Variants in RAPGEF5 observed in about 807,000 individuals in gnomAD.
RAPGEF5 encodes Rap guanine nucleotide exchange factor 5.
Under a neutral mutation model 125.2 loss-of-function variants are expected in RAPGEF5, and 65 were observed. The ratio of observed to expected loss-of-function variants is 0.52; its 90% CI spans 0.43 to 0.64. The LOEUF (loss-of-function observed/expected upper bound fraction) is 0.64, where lower values mean the gene tolerates loss of function less well. Ranked by LOEUF, RAPGEF5 falls within the 30% of genes least tolerant of loss-of-function variation. The probability of loss-of-function intolerance (pLI) is 0.00; values close to 1 mark genes in which losing one functional copy is unlikely to be tolerated. For synonymous variants in RAPGEF5, 391 were observed against 385.9 expected, an observed-to-expected ratio of 1.01 and a Z score of -0.16; for missense variants, 958 against 1,048.1, an observed-to-expected ratio of 0.91 and a Z score of 1.19.
Position 22,193,113 on chromosome 7 carries a change from G to A in RAPGEF5, c.1204+254C>T, listed in dbSNP as rs963236256. 9.3e-6 allele frequency: 5 copies of A among 540,470 alleles called. No individual in the cohort carries two copies. The African/African-American group carries it at 9.4e-5, about 10-fold the overall frequency. The allele number at this position is 540,470 out of a possible 1,614,324, so 33.5% of individuals were successfully genotyped here. A position where few individuals can be genotyped will look rare whatever the true frequency, so the allele number is the denominator to read the frequency against. ...CTTTAGGTGAGATTTGGGAAAAATT[G>A]CCAAAGAAACAAGAACAGCTGCCTT... On this transcript the variant is annotated intron_variant, in intron 11 of 25. Transcript: ENST00000665637.
At chr7:22,296,151 T>C (rs1783056008) in intron 5 of RAPGEF5, among the ~76,000 whole-genome samples, 1 of 152,014 alleles carries the variant, frequency 6.6e-6, no homozygotes, top group Admixed American at 6.5e-5. Flanking sequence ...ACATCCAAAG[T>C]GAGAGCAGAA....
intron 1 of RAPGEF5, among the ~76,000 whole-genome samples, chr7:22,338,080 C>T (rs971543963): frequency 6.6e-6 from 1 of 152,210 alleles, no homozygotes; most frequent in African/African-American, 2.4e-5. Flanking sequence ...AGCAAGTCTT[C>T]ATTAGAAGGA....
chr7:22,284,467 C>G (rs1382728172), intron 6 of RAPGEF5, among the ~76,000 whole-genome samples: 1 of 152,164 alleles, frequency 6.6e-6, no homozygotes, highest in African/African-American at 2.4e-5. Flanking sequence ...CTTAATGCCC[C>G]TTGGAACTAG....
chr7:22,206,768 T>C (rs1785407725), intron 9 of RAPGEF5, among the ~76,000 whole-genome samples: 1 of 151,042 alleles, frequency 6.6e-6, no homozygotes, highest in Non-Finnish European at 1.5e-5. Context: ...TTTTACTTAA[T>C]GAGGAAGGGA....
intron 6 of RAPGEF5, among the ~76,000 whole-genome samples, chr7:22,283,611 G>C (rs992929138): frequency 6.6e-6 from 1 of 152,178 alleles, no homozygotes; most frequent in Non-Finnish European, 1.5e-5. Context: ...GCTTCTTTCA[G>C]AGAAGATTTC....
chr7:22,236,400 G>A (rs1015303131), intron 7 of RAPGEF5, among the ~76,000 whole-genome samples: 2 of 152,172 alleles, frequency 1.3e-5, no homozygotes, highest in Non-Finnish European at 1.5e-5. Flanking sequence ...ACAAGCTGCT[G>A]TGATAGGTGT....
chr7:22,265,143 C>T (rs1431761434), intron 7 of RAPGEF5, among the ~76,000 whole-genome samples: 1 of 152,154 alleles, frequency 6.6e-6, no homozygotes, highest in Non-Finnish European at 1.5e-5. Flanking sequence ...TCTTCTCTCG[C>T]TATTTTGCAA....
chr7:22,138,315 G>C (rs142757841), intron 21 of RAPGEF5, among the ~76,000 whole-genome samples: 1 of 152,134 alleles, frequency 6.6e-6, no homozygotes, highest in Non-Finnish European at 1.5e-5. Context: ...ATTCAGGCAC[G>C]TACTACAGCT....
chr7:22,353,643 G>T (rs1784369393), intron 1 of RAPGEF5, among the ~76,000 whole-genome samples: 1 of 152,136 alleles, frequency 6.6e-6, no homozygotes, highest in African/African-American at 2.4e-5. Flanking sequence ...AAAGGGTTTT[G>T]TCAGGAACTC....
In RAPGEF5 at chr7:22,225,989, C is replaced by G. The variant is rs559834942; in HGVS notation, c.870+4857G>C. On this transcript the variant is annotated intron_variant, in intron 8 of 25. Transcript: ENST00000665637. ...CCATCCCCTCAATGGCAGAATGAAGCGTGGACAAGATTCCTGTGGGAAAGG... is the reference window on the plus strand; with the variant it reads ...CCATCCCCTCAATGGCAGAATGAAGGGTGGACAAGATTCCTGTGGGAAAGG... 2.0e-5 allele frequency among the ~76,000 whole-genome samples: 3 copies of G among 152,250 alleles called. No individual in the cohort carries two copies. In the South Asian group the frequency reaches 6.2e-4, roughly 32 times the overall value.
rs970551698 is a variant in RAPGEF5, at chr7:22,356,933, C to A, written c.128G>T (p.Arg43Leu). The change falls in exon 1 of 26, where the codon CGC becomes CTC. Residue 43 changes from arginine to leucine, a missense_variant. Coordinates refer to ENST00000665637, the MANE Select transcript of RAPGEF5 (RefSeq NM_012294.5). ...RRSPSAREPE[R>L]EQPPASLRPR... ...CCGCAGCGACGCCGGCGGCTGCTCG[C>A]GCTCGGGCTCCCGGGCGCTGGGGCT... 46 of 1,070,936 alleles carry A rather than the reference C, an allele frequency of 4.3e-5. No individual in the cohort carries two copies. In the Admixed American group the frequency reaches 1.1e-3, roughly 26 times the overall value. The allele number at this position is 1,070,936 out of a possible 1,614,324, so 66.3% of individuals were successfully genotyped here.
chr7:22,279,569 G>C (rs1782629524), intron 6 of RAPGEF5, among the ~76,000 whole-genome samples: 1 of 152,176 alleles, frequency 6.6e-6, no homozygotes, highest in Admixed American at 6.5e-5. Context: ...ACCTCCGAAA[G>C]ATAGAGCTAG....
In RAPGEF5 at chr7:22,136,085, TTGAA is replaced by T; in HGVS notation, c.2365_2368del (p.Phe789LysfsTer3). 6.2e-7 allele frequency: 1 copy of T among 1,613,078 alleles called. No homozygotes were observed. The highest frequency in any genetic ancestry group is 8.5e-7 in the Non-Finnish European group (1 of 1,179,364). The stretch of plus-strand genomic sequence containing the variant: ...AGGGATTTTTGGTGGCTTCATCTTT[TTGAA>T]TGCATCTCTGTAGGCTTTGTGATTT... On this transcript the variant is annotated frameshift_variant, in exon 23 of 26. Transcript: ENST00000665637. LOFTEE classifies it high-confidence loss of function.
intron 7 of RAPGEF5, among the ~76,000 whole-genome samples, chr7:22,238,556 G>A (rs1032357735): frequency 1.3e-5 from 2 of 152,174 alleles, no homozygotes; most frequent in African/African-American, 4.8e-5. Flanking sequence ...TAGGCCTTGA[G>A]CAATGACATT....
chr7:22,319,374 T>A (rs553545295), intron 1 of RAPGEF5, among the ~76,000 whole-genome samples: 2 of 152,320 alleles, frequency 1.3e-5, no homozygotes, highest in South Asian at 4.2e-4. Context: ...AAAAAGAGAA[T>A]TCCCATTCTG....
intron 7 of RAPGEF5, among the ~76,000 whole-genome samples, chr7:22,238,022 A>C (rs1464356868): frequency 6.6e-6 from 1 of 152,196 alleles, no homozygotes; most frequent in Non-Finnish European, 1.5e-5. Flanking sequence ...AGCTGGCATA[A>C]ACAAACGTAA....
Position 22,348,376 on chromosome 7 carries a change from G to A in RAPGEF5, c.231+8454C>T, listed in dbSNP as rs187201932. On this transcript the variant is annotated intron_variant, in intron 1 of 25. Coordinates refer to ENST00000665637, the MANE Select transcript of RAPGEF5 (RefSeq NM_012294.5). ...GTAAATAGGTTCAGTTACTTTGACA[G>A]GTATGTGTACTTCCAACTTCCTAAT... Among the ~76,000 whole-genome samples, 611 of 152,276 alleles carry A rather than the reference G, an allele frequency of 4.0e-3. 4 individuals are homozygous for A. Among genetic ancestry groups the A allele is most frequent in the Non-Finnish European group, 7.1e-3 (480 of 68,026 alleles).
intron 1 of RAPGEF5, among the ~76,000 whole-genome samples, chr7:22,333,932 A>C (rs989567452): frequency 3.1e-4 from 47 of 151,934 alleles, no homozygotes; most frequent in Non-Finnish European, 2.9e-5. Flanking sequence ...TTGTGCCCCA[A>C]GAAACGGTTA....
intron 1 of RAPGEF5, among the ~76,000 whole-genome samples, chr7:22,349,678 T>C (rs1784293589): frequency 6.6e-6 from 1 of 152,102 alleles, no homozygotes; most frequent in South Asian, 2.1e-4. Flanking sequence ...AGAGAATGAG[T>C]TGTGCTTTAC....
Sources: allele counts gnomAD v4.1 joint callset (sites outside exome capture counted in the v4.1 genomes callset), GRCh38; gene constraint gnomAD v4.1.1; transcripts MANE v1.5; gene names NCBI Gene and HGNC (gene_info 2026-07-23, HGNC 2026-07-21).